RBFOX1: variants seen among roughly 807,000 people sequenced by gnomAD.
The protein encoded by RBFOX1 is RNA binding protein fox-1 homolog 1.
RBFOX1 carries 8 observed loss-of-function variants against 57.7 expected under a neutral mutation model. That is an observed-to-expected ratio of 0.14 (90% CI 0.08 to 0.25). RBFOX1 has a LOEUF of 0.25. RBFOX1 is among the 10% of genes least tolerant of loss of function. RBFOX1 has a pLI of 1.00. For synonymous variants in RBFOX1, 326 were observed against 222.4 expected (o/e 1.47, Z -4.15); for missense variants, 611 against 548.5 (o/e 1.11, Z -1.14).
chr16:5,322,543 A>G (rs11863017), intron 1 of RBFOX1, among the ~76,000 whole-genome samples: 4,005 of 152,178 alleles, frequency 0.026, 189 homozygotes, highest in African/African-American at 0.092. Flanking sequence ...CGGCAAGACT[A>G]GGTCTCCAAA....
At chr16:7,396,873 A>C (rs551767603) in intron 4 of RBFOX1, among the ~76,000 whole-genome samples, 1 of 152,172 alleles carries the variant, frequency 6.6e-6, no homozygotes, top group Non-Finnish European at 1.5e-5. Flanking sequence ...CCCAGGAGAC[A>C]GAGGTTGCAG....
chr16:7,522,916 A>G (rs113090639), intron 5 of RBFOX1, among the ~76,000 whole-genome samples: 44 of 152,330 alleles, frequency 2.9e-4, no homozygotes, highest in African/African-American at 1.0e-3. Context: ...TGCATGCACA[A>G]CCATTACTGC....
intron 3 of RBFOX1, among the ~76,000 whole-genome samples, chr16:6,753,048 G>GTCAT (rs2075221041): frequency 6.7e-6 from 1 of 149,988 alleles, no homozygotes; most frequent in African/African-American, 2.5e-5. Context: ...TTTCATAGTG[G>GTCAT]TCATATAGTA....
chr16:5,398,654 G>A (rs755922350), intron 1 of RBFOX1, among the ~76,000 whole-genome samples: 1 of 152,088 alleles, frequency 6.6e-6, no homozygotes, highest in Non-Finnish European at 1.5e-5. Context: ...GAGTTGAAGG[G>A]AGTCCAGTGG....
At chr16:7,318,821 G>A (rs1351895848) in intron 4 of RBFOX1, among the ~76,000 whole-genome samples, 5 of 152,140 alleles carry the variant, frequency 3.3e-5, no homozygotes, top group Admixed American at 1.3e-4. Context: ...TAGAACAGGT[G>A]TGTGGTGAGC....
intron 2 of RBFOX1, among the ~76,000 whole-genome samples, chr16:6,402,132 CA>C (rs112849619): frequency 2.0e-5 from 3 of 151,714 alleles, no homozygotes; most frequent in African/African-American, 7.3e-5. Context: ...AGTCCTGTCC[CA>C]AAAAAATGCT....
At chr16:6,733,797 T>A (rs562039779) in intron 3 of RBFOX1, among the ~76,000 whole-genome samples, 1 of 152,232 alleles carries the variant, frequency 6.6e-6, no homozygotes, top group Admixed American at 6.5e-5. Flanking sequence ...CAAAGCTGGG[T>A]TCTACTACCA....
At chr16:7,033,534 A>G (rs554346465) in intron 3 of RBFOX1, among the ~76,000 whole-genome samples, 22 of 152,260 alleles carry the variant, frequency 1.4e-4, no homozygotes, top group East Asian at 3.9e-4. Flanking sequence ...ACTGAAAACA[A>G]TGGTGAATGT....
chr16:5,791,585 G>C (rs533724757), intron 3 of RBFOX1, among the ~76,000 whole-genome samples: 2 of 152,190 alleles, frequency 1.3e-5, no homozygotes, highest in South Asian at 2.1e-4. Context: ...TGACTCTCCA[G>C]GTTCCAGGAA....
intron 4 of RBFOX1, among the ~76,000 whole-genome samples, chr16:7,064,901 T>C (rs1483512052): frequency 2.6e-5 from 4 of 152,220 alleles, no homozygotes; most frequent in Admixed American, 6.5e-5. Context: ...ATACTCCCTC[T>C]GTATGTGCAT....
intron 2 of RBFOX1, among the ~76,000 whole-genome samples, chr16:6,408,419 A>G (rs1221736491): frequency 6.6e-6 from 1 of 152,122 alleles, no homozygotes; most frequent in Non-Finnish European, 1.5e-5. Context: ...GTGTTTTTTA[A>G]TAGACTGAAA....
intron 3 of RBFOX1, among the ~76,000 whole-genome samples, chr16:6,664,596 C>A (rs746668200): frequency 4.6e-5 from 7 of 152,138 alleles, no homozygotes; most frequent in Admixed American, 6.5e-5. Flanking sequence ...GCGCATGTAG[C>A]CCACCACCAG....
intron 1 of RBFOX1, among the ~76,000 whole-genome samples, chr16:6,060,634 A>G (rs1255862285): frequency 6.6e-6 from 1 of 152,152 alleles, no homozygotes; most frequent in Non-Finnish European, 1.5e-5. Context: ...TTGCTAAGCA[A>G]CACAGAATCC....
chr16:7,677,126 T>TACACAC (rs1314598196), intron 14 of RBFOX1, among the ~76,000 whole-genome samples: 83 of 51,248 alleles, frequency 1.6e-3, no homozygotes, highest in African/African-American at 3.8e-3. Context: ...CTTGCTCACA[T>TACACAC]ACACATACAC....
intron 2 of RBFOX1, among the ~76,000 whole-genome samples, chr16:5,471,897 C>T (rs2069148966): frequency 6.6e-6 from 1 of 152,104 alleles, no homozygotes; most frequent in Admixed American, 6.5e-5. Context: ...GCTGCCATGC[C>T]CTCAGCCCCG....
intron 3 of RBFOX1, among the ~76,000 whole-genome samples, chr16:6,793,660 A>G (rs563926341): frequency 2.0e-5 from 3 of 152,338 alleles, no homozygotes; most frequent in Non-Finnish European, 2.9e-5. Context: ...CCAAAGTATT[A>G]TAACTTGCTC....
rs983576553 is a variant in RBFOX1, at chr16:7,664,078, G to C, written c.891-851G>C. On this transcript the variant is annotated intron_variant, in intron 12 of 15. Coordinates refer to ENST00000550418, the MANE Select transcript of RBFOX1 (RefSeq NM_018723.4). ...AAGGTGTGGGTCTTTGTTTAGTCTA[G>C]ATATAATTTACGTGAACATGCAGAT... 5.6e-4 allele frequency among the ~76,000 whole-genome samples: 85 copies of C among 152,258 alleles called. 1 individual carries two copies. The highest frequency in any genetic ancestry group is 3.9e-4 in the East Asian group (2 of 5,172).
intron 1 of RBFOX1, among the ~76,000 whole-genome samples, chr16:5,394,601 G>A (rs867696080): frequency 8.4e-6 from 1 of 118,362 alleles, no homozygotes; most frequent in Non-Finnish European, 1.7e-5. Flanking sequence ...TTGCTCTGTT[G>A]CCCAGGCTGG....
intron 4 of RBFOX1, among the ~76,000 whole-genome samples, chr16:7,346,573 G>T (rs1347567818): frequency 6.6e-6 from 1 of 151,512 alleles, no homozygotes; most frequent in African/African-American, 2.4e-5. Flanking sequence ...CTGCCATCCT[G>T]GTTTACTCTA....
Sources: allele counts gnomAD v4.1 joint callset (sites outside exome capture counted in the v4.1 genomes callset), GRCh38; gene constraint gnomAD v4.1.1; transcripts MANE v1.5; gene names NCBI Gene and HGNC (gene_info 2026-07-23, HGNC 2026-07-21).